Variants in RNGTT observed in about 807,000 individuals in gnomAD.
RNGTT encodes mRNA-capping enzyme.
A neutral mutation model predicts 79.3 loss-of-function variants in RNGTT; 33 were observed. The ratio of observed to expected loss-of-function variants is 0.42; its 90% confidence interval spans 0.32 to 0.56. RNGTT has a LOEUF of 0.56. Among genes scored for constraint, RNGTT ranks in the 20% least tolerant of loss-of-function variants. The probability of loss-of-function intolerance (pLI) is 0.17; values close to 1 mark genes in which losing one functional copy is unlikely to be tolerated. For synonymous variants in RNGTT, 222 were observed against 235.9 expected, an observed-to-expected ratio of 0.94 and a Z score of 0.54; for missense variants, 497 against 739.1, an observed-to-expected ratio of 0.67 and a Z score of 3.80.
At chr6:88,806,233 ATATTTTG>A (rs946513761) in intron 11 of RNGTT, among the ~76,000 whole-genome samples, 5 of 152,168 alleles carry the variant, frequency 3.3e-5, no homozygotes, top group Admixed American at 2.6e-4. Flanking sequence ...GAGAGGGTCT[ATATTTTG>A]GAATTATCAA....
intron 8 of RNGTT, among the ~76,000 whole-genome samples, chr6:88,860,819 T>C (rs1196496006): frequency 1.4e-5 from 2 of 147,436 alleles, no homozygotes; most frequent in Admixed American, 1.3e-4. Context: ...ATTTTTTTTT[T>C]AACTTAAAAA....
At chr6:88,866,080 C>T (rs1014581416) in intron 8 of RNGTT, among the ~76,000 whole-genome samples, 12 of 152,076 alleles carry the variant, frequency 7.9e-5, no homozygotes, top group African/African-American at 1.9e-4. Context: ...GGAAGTGCAA[C>T]GAGCAAATTA....
chr6:88,671,719 A>AG lies in RNGTT; in HGVS notation c.1506+6633dup, dbSNP rs569653639. 1.8e-4 allele frequency among the ~76,000 whole-genome samples: 28 copies of AG among 152,356 alleles called. No individual in the cohort carries two copies. In the East Asian group the frequency reaches 4.6e-3, roughly 25 times the overall value. The stretch of plus-strand genomic sequence containing the variant: ...ACGGCAAACTATACTACAAGGATAT[A>AG]GTTGCCAAAACAGCATGGTCCTGGT... On this transcript the variant is annotated intron_variant, in intron 14 of 15. Coordinates refer to ENST00000369485, the MANE Select transcript of RNGTT (RefSeq NM_003800.5).
intron 1 of RNGTT, among the ~76,000 whole-genome samples, chr6:88,956,985 A>T (rs1317388817): frequency 6.6e-6 from 1 of 152,202 alleles, no homozygotes; most frequent in Non-Finnish European, 1.5e-5. Flanking sequence ...ATGAGCTGAG[A>T]TGGTGCCACC....
At chr6:88,831,593 A>T (rs1562275031) in intron 11 of RNGTT, among the ~76,000 whole-genome samples, 1 of 152,238 alleles carries the variant, frequency 6.6e-6, no homozygotes, top group Non-Finnish European at 1.5e-5. Flanking sequence ...GGACAGGGCA[A>T]TCAGGCAAGA....
chr6:88,701,702 T>C (rs1160360444), intron 13 of RNGTT, among the ~76,000 whole-genome samples: 1 of 152,122 alleles, frequency 6.6e-6, no homozygotes, highest in East Asian at 1.9e-4. Context: ...CCCATGATTA[T>C]ATTCATTTAA....
intron 12 of RNGTT, among the ~76,000 whole-genome samples, chr6:88,785,339 T>C (rs966287548): frequency 6.6e-6 from 1 of 152,082 alleles, no homozygotes; most frequent in African/African-American, 2.4e-5. Flanking sequence ...TGAGACTGAT[T>C]ACAAATTATG....
At chr6:88,725,264 T>C (rs1336673691) in intron 13 of RNGTT, among the ~76,000 whole-genome samples, 6 of 152,126 alleles carry the variant, frequency 3.9e-5, no homozygotes, top group Non-Finnish European at 5.9e-5. Context: ...ACCCAAGCCC[T>C]CAGCAACGTG....
chr6:88,933,450 G>A (rs74745955), intron 2 of RNGTT, among the ~76,000 whole-genome samples: 9 of 151,076 alleles, frequency 6.0e-5, no homozygotes, highest in East Asian at 3.9e-4. Flanking sequence ...GGTATCTATC[G>A]TCTATCATTC....
intron 4 of RNGTT, among the ~76,000 whole-genome samples, chr6:88,912,060 G>A (rs1350929988): frequency 6.6e-6 from 1 of 152,020 alleles, no homozygotes; most frequent in Non-Finnish European, 1.5e-5. Context: ...TCCATCCTGG[G>A]TGATAAAGTA....
At chr6:88,716,030 A>G (rs931395492) in intron 13 of RNGTT, among the ~76,000 whole-genome samples, 3 of 151,878 alleles carry the variant, frequency 2.0e-5, no homozygotes, top group African/African-American at 7.3e-5. Context: ...TGAACAGGCA[A>G]CCTACAAAAT....
intron 14 of RNGTT, among the ~76,000 whole-genome samples, chr6:88,644,809 A>C (rs1476343930): frequency 6.6e-6 from 1 of 152,278 alleles, no homozygotes; most frequent in Admixed American, 6.5e-5. Flanking sequence ...ACAGCGCTTC[A>C]TGCTAAAAAT....
chr6:88,827,987 C>T (rs1780727529), intron 11 of RNGTT, among the ~76,000 whole-genome samples: 1 of 152,128 alleles, frequency 6.6e-6, no homozygotes, highest in Admixed American at 6.5e-5. Flanking sequence ...ACGTTCCTGC[C>T]TACTACTGGC....
intron 8 of RNGTT, among the ~76,000 whole-genome samples, chr6:88,864,405 T>C (rs992339543): frequency 3.9e-5 from 6 of 152,130 alleles, no homozygotes; most frequent in African/African-American, 1.4e-4. Context: ...TTGTACTACA[T>C]ACCATTAATT....
At chr6:88,699,397 A>G (rs1167647226) in intron 13 of RNGTT, among the ~76,000 whole-genome samples, 1 of 152,226 alleles carries the variant, frequency 6.6e-6, no homozygotes, top group African/African-American at 2.4e-5. Flanking sequence ...ATGCCCATCA[A>G]TAATAAATTT....
rs138575029 is a variant in RNGTT at position 88,866,680 on chromosome 6, A to C, written c.897-12916T>G. On this transcript the variant is annotated intron_variant, in intron 8 of 15. Coordinates refer to ENST00000369485, the MANE Select transcript of RNGTT (RefSeq NM_003800.5). Reference sequence around the variant, plus strand: ...CACATTCAAATAAATCAATGTATCCATTTATTTATTTTTCTTCAAATCTTC... The same window carrying C: ...CACATTCAAATAAATCAATGTATCCCTTTATTTATTTTTCTTCAAATCTTC... Among the ~76,000 whole-genome samples the C allele has an allele frequency of 2.4e-4, 36 of 152,284 alleles. No homozygotes were observed. In the East Asian group the frequency reaches 6.4e-3, roughly 27 times the overall value.
At chr6:88,946,091 T>A (rs1785000223) in intron 1 of RNGTT, among the ~76,000 whole-genome samples, 1 of 152,262 alleles carries the variant, frequency 6.6e-6, no homozygotes, top group Non-Finnish European at 1.5e-5. Flanking sequence ...CTGCATTTTT[T>A]AATAAATTGA....
chr6:88,765,582 T>C (rs1425896477), intron 13 of RNGTT, among the ~76,000 whole-genome samples: 3 of 152,252 alleles, frequency 2.0e-5, no homozygotes, highest in Non-Finnish European at 4.4e-5. Flanking sequence ...TATACATAAA[T>C]CTTCAGCACA....
At chr6:88,657,431 G>A (rs536009260) in intron 14 of RNGTT, among the ~76,000 whole-genome samples, 1 of 152,306 alleles carries the variant, frequency 6.6e-6, no homozygotes, top group South Asian at 2.1e-4. Context: ...GAGGTCCTTG[G>A]GGAAGGCAGC....
Sources: gnomAD v4.1 joint callset for allele counts (sites outside exome capture counted in the v4.1 genomes callset) on GRCh38, gnomAD v4.1.1 for gene constraint, MANE v1.5 for transcripts, NCBI Gene and HGNC (gene_info 2026-07-23, HGNC 2026-07-21) for gene names.